The following GNPTAB variants were observed in gnomAD, a reference collection of about 807,000 sequenced individuals.
GNPTAB encodes the protein N-acetylglucosamine-1-phosphate transferase subunits alpha and beta.
A neutral mutation model predicts 136.6 loss-of-function variants in GNPTAB; 92 were observed. The ratio of observed to expected loss-of-function variants is 0.67; its 90% CI spans 0.57 to 0.80. The LOEUF is 0.80. Ranked by LOEUF, GNPTAB falls within the 30% of genes least tolerant of loss-of-function variation. The pLI is 0.00. For missense variants in GNPTAB, 1,343 were observed against 1,501.8 expected (o/e 0.89, Z 1.75); for synonymous variants, 512 against 535.1 (o/e 0.96, Z 0.60).
chr12:101,815,378 T>C (rs1870464713), intron 1 of GNPTAB, among the ~76,000 whole-genome samples: 1 of 152,204 alleles, frequency 6.6e-6, no homozygotes, highest in Non-Finnish European at 1.5e-5. Context: ...GTAAGTGATT[T>C]TGAAGAATTC....
chr12:101,786,241 T>A, intron 4 of GNPTAB, 24 bp from the exon 5 acceptor site: 1 of 1,567,914 alleles, frequency 6.4e-7, no homozygotes, highest in South Asian at 1.1e-5. Context: ...CCAACATGCT[T>A]ACAATTACAT....
chr12:101,796,414 A>G (rs1481753588), intron 2 of GNPTAB: 1 of 647,312 alleles, frequency 1.5e-6, no homozygotes, highest in East Asian at 2.7e-5. Flanking sequence ...TTTTAAAAAA[A>G]TATCTTACGG....
At chr12:101,768,397 G>C (rs916142422) in intron 10 of GNPTAB, among the ~76,000 whole-genome samples, 7 of 152,186 alleles carry the variant, frequency 4.6e-5, no homozygotes, top group African/African-American at 1.7e-4. Context: ...ATTACTCAAG[G>C]AAAGCAGACA....
chr12:101,775,680 C>A (rs931457196), intron 7 of GNPTAB, among the ~76,000 whole-genome samples: 1 of 151,772 alleles, frequency 6.6e-6, no homozygotes, highest in Non-Finnish European at 1.5e-5. Flanking sequence ...GATCTTAATA[C>A]GTCCTGGTGG....
At chr12:101,782,803 C>T (rs1193973640) in intron 5 of GNPTAB, among the ~76,000 whole-genome samples, 3 of 152,216 alleles carry the variant, frequency 2.0e-5, no homozygotes, top group Non-Finnish European at 4.4e-5. Context: ...ATTCCAGCCA[C>T]ACTAGCCTCC....
At chr12:101,754,087 T>C (rs2137102723) in intron 18 of GNPTAB, among the ~76,000 whole-genome samples, 1 of 151,352 alleles carries the variant, frequency 6.6e-6, no homozygotes, top group South Asian at 2.1e-4. Context: ...AGGGAGAGGC[T>C]GCAGTGAGGA....
At chr12:101,767,781 C>T (rs1476414641) in intron 11 of GNPTAB, 1 of 608,396 alleles carries the variant, frequency 1.6e-6, no homozygotes, top group African/African-American at 1.9e-5. Context: ...CACCACCACA[C>T]TTGGCTAATT....
intron 1 of GNPTAB, among the ~76,000 whole-genome samples, chr12:101,818,847 A>G (rs1870652457): frequency 6.6e-6 from 1 of 152,146 alleles, no homozygotes; most frequent in Non-Finnish European, 1.5e-5. Flanking sequence ...TTCCTGTGAT[A>G]GTGAGTAAGT....
chr12:101,791,477 T>A (rs892524974), intron 2 of GNPTAB, among the ~76,000 whole-genome samples: 27 of 138,550 alleles, frequency 1.9e-4, no homozygotes, highest in Middle Eastern at 3.8e-3. Context: ...AAAAAAATAA[T>A]AAACCACGCA....
intron 1 of GNPTAB, among the ~76,000 whole-genome samples, chr12:101,799,050 T>A (rs1020719034): frequency 5.8e-5 from 7 of 120,196 alleles, no homozygotes; most frequent in African/African-American, 2.0e-4. Context: ...TCATTGTTTT[T>A]TAAAAAAAAA....
chr12:101,821,422 A>T (rs889510489), intron 1 of GNPTAB, among the ~76,000 whole-genome samples: 16 of 152,228 alleles, frequency 1.1e-4, no homozygotes, highest in African/African-American at 3.1e-4. Context: ...TTCATCTCCC[A>T]GGCAAGCTCA....
intron 1 of GNPTAB, among the ~76,000 whole-genome samples, chr12:101,822,201 CAGG>C (rs1870838689): frequency 6.6e-6 from 1 of 152,146 alleles, no homozygotes. Context: ...ATCACGAGGT[CAGG>C]AGATCAAGAC....
chr12:101,824,433 T>TATATATATATATATA (rs1423746036), intron 1 of GNPTAB, among the ~76,000 whole-genome samples: 158 of 90,544 alleles, frequency 1.7e-3, no homozygotes, highest in East Asian at 2.9e-3. Context: ...TATATATATA[T>TATATATATATATATA]TTTCTTTTTT....
chr12:101,810,552 C>G (rs1311555988), intron 1 of GNPTAB: 1 of 151,228 alleles, frequency 6.6e-6, no homozygotes, highest in South Asian at 2.1e-4. Context: ...CATATTTAGA[C>G]AGTAGAAAAA....
intron 1 of GNPTAB, among the ~76,000 whole-genome samples, chr12:101,809,317 T>C (rs1432782326): frequency 6.6e-6 from 1 of 152,216 alleles, no homozygotes; most frequent in Non-Finnish European, 1.5e-5. Context: ...GCAACAGGAA[T>C]TCTCATTGAT....
intron 15 of GNPTAB, 24 bp downstream of exon 15, chr12:101,761,103 G>A (rs1460472496): frequency 6.5e-7 from 1 of 1,545,756 alleles, no homozygotes; most frequent in African/African-American, 1.4e-5. Flanking sequence ...ACATCAAAAA[G>A]TTTAGAATAA....
chr12:101,781,960 G>A (rs572627623), intron 5 of GNPTAB, among the ~76,000 whole-genome samples: 233 of 152,304 alleles, frequency 1.5e-3, no homozygotes, highest in Non-Finnish European at 2.8e-3. Flanking sequence ...AGGTGGGCTA[G>A]AACTTAACCA....
chr12:101,828,692 AAAAC>A (rs1342917543), intron 1 of GNPTAB, among the ~76,000 whole-genome samples: 1 of 151,400 alleles, frequency 6.6e-6, no homozygotes, highest in African/African-American at 2.5e-5. Context: ...TCCATCTCAA[AAAAC>A]AAACAAAAAA....
At chr12:101,748,616 AAGG>A (rs1016446087) in intron 20 of GNPTAB, among the ~76,000 whole-genome samples, 2 of 152,156 alleles carry the variant, frequency 1.3e-5, no homozygotes, top group African/African-American at 4.8e-5. Context: ...GGAGAGGAGG[AAGG>A]AGGAGAGAGG....
Sources: gnomAD v4.1 joint callset for allele counts (sites outside exome capture counted in the v4.1 genomes callset) on GRCh38, gnomAD v4.1.1 for gene constraint, MANE v1.5 for transcripts, NCBI Gene and HGNC (gene_info 2026-07-23, HGNC 2026-07-21) for gene names.